OGDH: variants seen among roughly 807,000 people sequenced by gnomAD.
OGDH encodes 2-oxoglutarate dehydrogenase complex component E1.
Under a neutral mutation model 116.6 loss-of-function variants are expected in OGDH, and 38 were observed. That is an observed-to-expected ratio of 0.33 (90% CI 0.25 to 0.43). The LOEUF is 0.43. Among genes scored for constraint, OGDH ranks in the 20% least tolerant of loss-of-function variants. The pLI, the probability that OGDH is intolerant of heterozygous loss-of-function variation, is 1.00. For synonymous variants in OGDH, 488 were observed against 533.3 expected (o/e 0.92, Z 1.17); for missense variants, 825 against 1,357.2 (o/e 0.61, Z 6.16).
At chr7:44,679,222 G>A (rs151143568) in intron 9 of OGDH, among the ~76,000 whole-genome samples, 25 of 152,306 alleles carry the variant, frequency 1.6e-4, no homozygotes, top group African/African-American at 5.1e-4. Context: ...AGACAGACTG[G>A]ACAGAAAAGT....
intron 4 of OGDH, among the ~76,000 whole-genome samples, chr7:44,647,974 A>T (rs1786266479): frequency 6.6e-6 from 1 of 152,240 alleles, no homozygotes; most frequent in South Asian, 2.1e-4. Context: ...TCAAAATTTG[A>T]AAATAAAATT....
Position 44,678,516 on chromosome 7 carries a change from A to G in OGDH, c.1206+2367A>G, listed in dbSNP as rs1321011684. ...CTGATTGGTCCCTTCATGAGATGCC[A>G]GGACAGGAGAGGCTGGTTAGTCCCT... On this transcript the variant is annotated intron_variant, in intron 9 of 22. Transcript: ENST00000222673. Among the ~76,000 whole-genome samples, 3 of 152,238 alleles carry G rather than the reference A, an allele frequency of 2.0e-5. No individual in the cohort carries two copies. In the East Asian group the frequency reaches 5.8e-4, roughly 29 times the overall value.
chr7:44,705,466 A>G (rs898468836), intron 20 of OGDH, among the ~76,000 whole-genome samples: 1 of 152,048 alleles, frequency 6.6e-6, no homozygotes, highest in African/African-American at 2.4e-5. Context: ...CTTTTGCCCT[A>G]TGTTTTCTTC....
chr7:44,695,672 C>T (rs1406206818), intron 12 of OGDH, among the ~76,000 whole-genome samples: 1 of 149,812 alleles, frequency 6.7e-6, no homozygotes, highest in Non-Finnish European at 1.5e-5. Context: ...CATTGCACTC[C>T]AGCCTGGTGA....
chr7:44,656,445 A>G lies in OGDH; in HGVS notation c.517+8686A>G, dbSNP rs1056257353. 11 of 1,285,102 alleles carry G rather than the reference A, an allele frequency of 8.6e-6. No individual in the cohort carries two copies. In the Admixed American group the frequency reaches 2.1e-4, roughly 24 times the overall value. 79.6% of individuals were successfully genotyped at this position (1,285,102 alleles called of 1,614,324 possible). Reference sequence around the variant, plus strand: ...TGTGCAACTTTTCCTAGCATGCAATATGGGGAAAGTTGACGCAACTTCTGT... The same window carrying G: ...TGTGCAACTTTTCCTAGCATGCAATGTGGGGAAAGTTGACGCAACTTCTGT... On this transcript the variant is annotated intron_variant, in intron 4 of 22. Transcript: ENST00000222673.
chr7:44,606,719 T>G (rs1052767240), intron 1 of OGDH, 66 bp downstream of exon 1: 5 of 152,340 alleles, frequency 3.3e-5, no homozygotes, highest in African/African-American at 4.8e-5. Flanking sequence ...GGCCCGGGGT[T>G]GGAGATCGCG....
chr7:44,656,709 A>G (rs1307400876), intron 4 of OGDH, among the ~76,000 whole-genome samples: 1 of 152,220 alleles, frequency 6.6e-6, no homozygotes, highest in Non-Finnish European at 1.5e-5. Flanking sequence ...TCAGCTCTGC[A>G]TGGTGGCTTG....
chr7:44,703,479 G>A (rs558098311), intron 20 of OGDH, among the ~76,000 whole-genome samples: 1 of 152,076 alleles, frequency 6.6e-6, no homozygotes, highest in Admixed American at 6.6e-5. Flanking sequence ...CAGCACTTTG[G>A]GAGGCTGAGG....
intron 10 of OGDH, among the ~76,000 whole-genome samples, chr7:44,693,600 C>T (rs79442128): frequency 6.6e-6 from 1 of 152,142 alleles, no homozygotes; most frequent in African/African-American, 2.4e-5. Flanking sequence ...CTTAATTTAA[C>T]TTTTCATACT....
intron 18 of OGDH, 55 bp from the exon 19 acceptor site, chr7:44,700,086 C>A (rs1274146596): frequency 5.0e-6 from 8 of 1,595,626 alleles, no homozygotes; most frequent in Non-Finnish European, 6.0e-6. Context: ...CCCCACATGC[C>A]CCAGAAGACT....
At chr7:44,607,215 C>T (rs1562601558) in intron 1 of OGDH, among the ~76,000 whole-genome samples, 1 of 152,226 alleles carries the variant, frequency 6.6e-6, no homozygotes, top group Non-Finnish European at 1.5e-5. Context: ...CCGCGCAGAC[C>T]TTGGCGCCGC....
At chr7:44,676,479 C>G in intron 9 of OGDH, 1 of 374,594 alleles carries the variant, frequency 2.7e-6, no homozygotes, top group East Asian at 5.8e-5. Flanking sequence ...CGCTTGAACC[C>G]GGGAGGTGGA....
chr7:44,613,632 T>C (rs1346140010), intron 1 of OGDH, among the ~76,000 whole-genome samples: 1 of 151,828 alleles, frequency 6.6e-6, no homozygotes, highest in Non-Finnish European at 1.5e-5. Context: ...GTGCTGGGAT[T>C]ACAGGCGTGA....
chr7:44,676,172 C>T, intron 9 of OGDH, 23 bp downstream of exon 9: 3 of 1,614,180 alleles, frequency 1.9e-6, no homozygotes, highest in South Asian at 2.2e-5. Flanking sequence ...GAGAGGCGTG[C>T]AAGGCAGATC....
At chr7:44,678,566 G>C (rs1787797101) in intron 9 of OGDH, among the ~76,000 whole-genome samples, 1 of 152,204 alleles carries the variant, frequency 6.6e-6, no homozygotes, top group South Asian at 2.1e-4. Context: ...TCTGCATGCA[G>C]CTGAGTCCGA....
intron 2 of OGDH, among the ~76,000 whole-genome samples, chr7:44,639,514 T>TA (rs1390917248): frequency 6.6e-6 from 1 of 152,236 alleles, no homozygotes; most frequent in African/African-American, 2.4e-5. Context: ...TTTGAATAAA[T>TA]AAACTTTTTT....
chr7:44,636,784 T>C (rs559061938), intron 2 of OGDH, among the ~76,000 whole-genome samples: 92 of 152,340 alleles, frequency 6.0e-4, no homozygotes, highest in African/African-American at 2.0e-3. Context: ...TAAGTGCTTT[T>C]AGTTACCTAA....
chr7:44,685,140 A>G (rs1788075496), intron 10 of OGDH, among the ~76,000 whole-genome samples: 2 of 152,008 alleles, frequency 1.3e-5, no homozygotes, highest in Non-Finnish European at 2.9e-5. Context: ...ATTGTTAACT[A>G]TTTTTAAGTG....
At chr7:44,684,525 T>C (rs896333255) in intron 10 of OGDH, among the ~76,000 whole-genome samples, 1 of 152,218 alleles carries the variant, frequency 6.6e-6, no homozygotes, top group Non-Finnish European at 1.5e-5. Flanking sequence ...TACTGCCTAC[T>C]GTGTCCCAGA....
Sources: allele counts gnomAD v4.1 joint callset (sites outside exome capture counted in the v4.1 genomes callset), GRCh38; gene constraint gnomAD v4.1.1; transcripts MANE v1.5; gene names NCBI Gene and HGNC (gene_info 2026-07-23, HGNC 2026-07-21).